Variants in ZNF618 observed in about 807,000 individuals in gnomAD.
ZNF618 encodes the protein zinc finger protein 618.
In ZNF618, 34 loss-of-function variants were observed where a neutral mutation model predicts 103.0. The ratio of observed to expected loss-of-function variants is 0.33; its 90% CI spans 0.25 to 0.44. The LOEUF is 0.44. ZNF618 is among the 20% of genes least tolerant of loss of function. The pLI is 1.00. For missense variants in ZNF618, 1,059 were observed against 1,295.4 expected (o/e 0.82, Z 2.80); for synonymous variants, 551 against 542.2 (o/e 1.02, Z -0.23).
At chr9:113,887,765 C>T (rs990383093) in intron 1 of ZNF618, among the ~76,000 whole-genome samples, 9 of 152,168 alleles carry the variant, frequency 5.9e-5, no homozygotes, top group African/African-American at 2.2e-4. Context: ...TGTAGTTTTC[C>T]AATTCAGTAC....
chr9:113,970,054 G>C (rs1387101292), intron 2 of ZNF618, among the ~76,000 whole-genome samples: 1 of 152,154 alleles, frequency 6.6e-6, no homozygotes, highest in Non-Finnish European at 1.5e-5. Context: ...GGAAAAAAAG[G>C]TTCTTTCTGT....
At chr9:113,950,719 G>A (rs1312830709) in intron 1 of ZNF618, among the ~76,000 whole-genome samples, 4 of 152,190 alleles carry the variant, frequency 2.6e-5, no homozygotes, top group African/African-American at 9.7e-5. Flanking sequence ...GGACCGCTGG[G>A]AAGAGTAGAC....
rs372568983 is a variant in ZNF618, at chr9:113,910,794, T to G, written c.33+34381T>G. ...GAGCCCAGCCTAGCCCATATCTGAA[T>G]GAATTCCAAGTTAGCATGGAACTTT... On this transcript the variant is annotated intron_variant, in intron 1 of 14. Coordinates refer to ENST00000374126, the MANE Select transcript of ZNF618 (RefSeq NM_001318042.2). Among the ~76,000 whole-genome samples the G allele has an allele frequency of 7.7e-4, 117 of 152,246 alleles. 2 individuals carry two copies. In the South Asian group the frequency reaches 0.023, roughly 30 times the overall value.
At position 113,988,281 on chromosome 9, in the gene ZNF618, T is replaced by C. The variant is rs747645887; in HGVS notation, c.78-40T>C. 15 of 1,580,312 alleles carry C rather than the reference T, an allele frequency of 9.5e-6. 1 individual carries two copies. The Admixed American group carries it at 2.6e-4, about 27-fold the overall frequency. On this transcript the variant is annotated intron_variant, in intron 2 of 14. Transcript: ENST00000374126. ...GGGCTGGTGGGCTCCTGTGTTGATC[T>C]GGAGGAAGAAGGTATTGAACGGAGT...
intron 9 of ZNF618, among the ~76,000 whole-genome samples, chr9:114,009,869 T>C (rs1842080824): frequency 6.6e-6 from 1 of 152,080 alleles, no homozygotes; most frequent in African/African-American, 2.4e-5. Context: ...TTGTCTGTGG[T>C]CATGGGATGA....
intron 1 of ZNF618, among the ~76,000 whole-genome samples, chr9:113,931,461 G>A (rs534926661): frequency 6.6e-6 from 1 of 152,286 alleles, no homozygotes; most frequent in East Asian, 1.9e-4. Context: ...TACCAGGGGC[G>A]TGTTGAGAGA....
chr9:113,938,785 G>T (rs898998585), intron 1 of ZNF618, among the ~76,000 whole-genome samples: 1 of 151,924 alleles, frequency 6.6e-6, no homozygotes, highest in Non-Finnish European at 1.5e-5. Context: ...GGCCAGGCTG[G>T]TCTTGAACTC....
At chr9:113,922,599 T>G (rs1345677157) in intron 1 of ZNF618, among the ~76,000 whole-genome samples, 1 of 152,068 alleles carries the variant, frequency 6.6e-6, no homozygotes, top group Non-Finnish European at 1.5e-5. Context: ...TATATTAGTT[T>G]GGGTATATTT....
intron 9 of ZNF618, among the ~76,000 whole-genome samples, chr9:114,016,325 G>A (rs1396256815): frequency 6.6e-6 from 1 of 152,118 alleles, no homozygotes; most frequent in Non-Finnish European, 1.5e-5. Flanking sequence ...CTGACGAAGA[G>A]GTTGGTGTTG....
chr9:113,888,801 T>C (rs1316774167), intron 1 of ZNF618, among the ~76,000 whole-genome samples: 1 of 152,204 alleles, frequency 6.6e-6, no homozygotes, highest in Non-Finnish European at 1.5e-5. Context: ...TCAGAAGGCA[T>C]GTGCTGTTAG....
chr9:113,900,613 G>A (rs553979878), intron 1 of ZNF618, among the ~76,000 whole-genome samples: 13 of 150,608 alleles, frequency 8.6e-5, no homozygotes, highest in Admixed American at 5.9e-4. Flanking sequence ...CCGAGCTCCC[G>A]TCTCCTAGCA....
chr9:113,967,514 A>G (rs1003423510), intron 1 of ZNF618, among the ~76,000 whole-genome samples: 11 of 152,114 alleles, frequency 7.2e-5, no homozygotes, highest in Middle Eastern at 3.4e-3. Context: ...CCATTTCCCA[A>G]TTGGCTCTCC....
chr9:113,951,509 A>ATATGTACACATATG lies in ZNF618; in HGVS notation c.34-17607_34-17606insATGTACACATATGT, dbSNP rs1835704587. ...TATATGTGTGTATGTGTACACATATATGTGTGTATATGTACACATATGTGT... is the reference window on the plus strand; with the variant it reads ...TATATGTGTGTATGTGTACACATATATATGTACACATATGTGTGTGTATATGTACACATATGTGT... On this transcript the variant is annotated intron_variant, in intron 1 of 14. Transcript: ENST00000374126. 7.4e-5 allele frequency among the ~76,000 whole-genome samples: 6 copies of ATATGTACACATATG among 80,634 alleles called. 1 individual carries two copies. Among genetic ancestry groups the ATATGTACACATATG allele is most frequent in the African/African-American group, 2.3e-4 (6 of 26,302 alleles). The allele number at this position is 80,634 out of a possible 152,430, so 52.9% of individuals were successfully genotyped here.
intron 10 of ZNF618, among the ~76,000 whole-genome samples, chr9:114,019,577 T>TAACTGATACAA: frequency 6.6e-6 from 1 of 152,244 alleles, no homozygotes; most frequent in Admixed American, 6.5e-5. Flanking sequence ...TAATTTGTAT[T>TAACTGATACAA]TTCCTGATAA....
Position 114,054,676 on chromosome 9 carries a change from A to T in ZNF618, c.*4509A>T, listed in dbSNP as rs1361926927. Reference sequence around the variant, plus strand: ...CACTGTGGCTAATGTTTGCTAGGCCAGTTATGGTGAACCAATGATACAGTG... The same window carrying T: ...CACTGTGGCTAATGTTTGCTAGGCCTGTTATGGTGAACCAATGATACAGTG... On this transcript the variant is annotated 3_prime_UTR_variant, in exon 15 of 15. Coordinates refer to ENST00000374126, the MANE Select transcript of ZNF618 (RefSeq NM_001318042.2). 2 of 152,706 alleles carry T rather than the reference A, an allele frequency of 1.3e-5. No homozygotes were observed. The highest frequency in any genetic ancestry group is 6.5e-5 in the Admixed American group (1 of 15,286). The allele number at this position is 152,706 out of a possible 1,614,324, so 9.5% of individuals were successfully genotyped here.
At chr9:113,940,542 A>G (rs938985376) in intron 1 of ZNF618, among the ~76,000 whole-genome samples, 7 of 145,846 alleles carry the variant, frequency 4.8e-5, no homozygotes, top group South Asian at 2.2e-4. Flanking sequence ...TCATGACTAT[A>G]TATCTTTTTG....
At chr9:113,902,519 A>G (rs951347758) in intron 1 of ZNF618, among the ~76,000 whole-genome samples, 1 of 152,172 alleles carries the variant, frequency 6.6e-6, no homozygotes, top group African/African-American at 2.4e-5. Flanking sequence ...TGTATTTAAC[A>G]TGCATCTTTT....
Position 113,969,232 on chromosome 9 carries a change from T to G in ZNF618, c.77+72T>G, listed in dbSNP as rs374572569. ...TCTTCATGACTAACAGTTACCACTCTCTGGTCCTCATCTTCCCCCTGGAAG... is the reference window on the plus strand; with the variant it reads ...TCTTCATGACTAACAGTTACCACTCGCTGGTCCTCATCTTCCCCCTGGAAG... On this transcript the variant is annotated intron_variant, in intron 2 of 14. Transcript: ENST00000374126. 144 of 1,577,882 alleles carry G rather than the reference T, an allele frequency of 9.1e-5. No homozygotes were observed. In the African/African-American group the frequency reaches 1.6e-3, roughly 18 times the overall value.
intron 6 of ZNF618, among the ~76,000 whole-genome samples, chr9:114,004,505 A>G (rs769570395): frequency 7.2e-5 from 11 of 152,106 alleles, no homozygotes; most frequent in Non-Finnish European, 1.5e-4. Context: ...CAGCCCCTCA[A>G]TGATCTGTTG....
Sources: allele counts gnomAD v4.1 joint callset (sites outside exome capture counted in the v4.1 genomes callset), GRCh38; gene constraint gnomAD v4.1.1; transcripts MANE v1.5; gene names NCBI Gene and HGNC (gene_info 2026-07-23, HGNC 2026-07-21).